PCF11: variants seen among roughly 807,000 people sequenced by gnomAD.
The protein encoded by PCF11 is PCF11 cleavage and polyadenylation factor subunit.
PCF11 carries 19 observed loss-of-function variants against 166.1 expected under a neutral mutation model. The ratio of observed to expected loss-of-function variants is 0.11; its 90% CI spans 0.08 to 0.17. The LOEUF is 0.17. PCF11 is among the 10% of genes least tolerant of loss of function. PCF11 has a pLI of 1.00. For synonymous variants in PCF11, 663 were observed against 644.1 expected (o/e 1.03, Z -0.44); for missense variants, 1,565 against 1,855.5 (o/e 0.84, Z 2.88).
exon 8 of PCF11, chr11:83,169,739 A>T: frequency 6.2e-7 from 1 of 1,613,956 alleles, no homozygotes; most frequent in South Asian, 1.1e-5. Context: ...ACTGGTCCAT[A>T]TAATGATCCA....
At chr11:83,163,867 G>A in exon 3 of PCF11, 2 of 1,424,720 alleles carry the variant, frequency 1.4e-6, no homozygotes, top group Non-Finnish European at 1.9e-6. Context: ...TAAATAAATC[G>A]GTAAGTTTTA....
chr11:83,180,895 A>G (rs1195820055), intron 11 of PCF11, 113 bp from the exon 12 acceptor site: 1 of 568,404 alleles, frequency 1.8e-6, no homozygotes, highest in Non-Finnish European at 3.1e-6. Flanking sequence ...TGTTTCAGCC[A>G]GCTCTTGGTT....
In PCF11 at chr11:83,185,650, G is replaced by C. The variant is rs372074539; in HGVS notation, c.*756G>C. 8.9e-4 allele frequency: 136 copies of C among 152,546 alleles called. 1 individual carries two copies. The highest frequency in any genetic ancestry group is 3.1e-3 in the African/African-American group (129 of 41,504). The allele number at this position is 152,546 out of a possible 1,614,324, so 9.4% of individuals were successfully genotyped here. A position where few individuals can be genotyped will look rare whatever the true frequency, so the allele number is the denominator to read the frequency against. On this transcript the variant is annotated 3_prime_UTR_variant, in exon 16 of 16. Transcript: ENST00000298281. Reference sequence around the variant, plus strand: ...AATTGTCAAATGATTTAATGCAGATGAACATATTTCTATTTTAAGTAACGG... The same window carrying C: ...AATTGTCAAATGATTTAATGCAGATCAACATATTTCTATTTTAAGTAACGG...
At position 83,161,222 on chromosome 11, in the gene PCF11, TATC is replaced by T; in HGVS notation, c.193-103_193-101del. 1.5e-5 allele frequency: 12 copies of T among 808,460 alleles called. No individual in the cohort carries two copies. In the South Asian group the frequency reaches 1.7e-4, roughly 12 times the overall value. 50.1% of individuals were successfully genotyped at this position (808,460 alleles called of 1,614,324 possible). A position where few individuals can be genotyped will look rare whatever the true frequency, so the allele number is the denominator to read the frequency against. On this transcript the variant is annotated intron_variant, in intron 1 of 15. Transcript: ENST00000298281. ...TAAAGATTACTTCAAAAATATTTAGTATCAACAAAAATAGAGGTCTGTATTGTA... is the reference window on the plus strand; with the variant it reads ...TAAAGATTACTTCAAAAATATTTAGTAACAAAAATAGAGGTCTGTATTGTA...
chr11:83,170,455 T>C (rs890501970), intron 8 of PCF11, among the ~76,000 whole-genome samples: 1 of 151,442 alleles, frequency 6.6e-6, no homozygotes, highest in African/African-American at 2.4e-5. Flanking sequence ...TCTACAATTC[T>C]TTTTTTTTGG....
chr11:83,160,296 G>T (rs1386036287), intron 1 of PCF11, among the ~76,000 whole-genome samples: 1 of 151,238 alleles, frequency 6.6e-6, no homozygotes, highest in Non-Finnish European at 1.5e-5. Context: ...TATACACGTG[G>T]GGTGGGTAAA....
intron 5 of PCF11, 40 bp downstream of exon 5, chr11:83,166,754 A>G: frequency 1.3e-6 from 2 of 1,493,968 alleles, no homozygotes; most frequent in South Asian, 1.3e-5. Context: ...AGTAGTGTAT[A>G]TGTTTCAAAA....
chr11:83,177,652 C>T, intron 10 of PCF11, 62 bp from the exon 11 acceptor site: 1 of 792,028 alleles, frequency 1.3e-6, no homozygotes, highest in Non-Finnish European at 2.0e-6. Context: ...CTATAGTGTT[C>T]CTCTGTAGAG....
At chr11:83,157,951 T>C in intron 1 of PCF11, 1 of 279,496 alleles carries the variant, frequency 3.6e-6, no homozygotes, top group Non-Finnish European at 6.8e-6. Context: ...CAGTTTGTGG[T>C]TTGGGGAAGT....
chr11:83,185,939 G>A (rs1861275555), exon 16 of PCF11: 1 of 152,496 alleles, frequency 6.6e-6, no homozygotes, highest in Non-Finnish European at 1.5e-5. Context: ...ATTTATTGGA[G>A]ATAGGCATAT....
In PCF11 at chr11:83,181,819, A is replaced by G. The variant is rs528726972; in HGVS notation, c.4168-35A>G. The stretch of plus-strand genomic sequence containing the variant: ...ATACACAGTAAAAATTTAGAAATAA[A>G]TGGAATAATCTTTTAAAAATCAACT... On this transcript the variant is annotated intron_variant, in intron 12 of 15. Transcript: ENST00000298281. 3.6e-5 allele frequency: 54 copies of G among 1,489,486 alleles called. No individual in the cohort carries two copies. In the African/African-American group the frequency reaches 7.5e-4, roughly 21 times the overall value. The allele number at this position is 1,489,486 out of a possible 1,614,324, so 92.3% of individuals were successfully genotyped here. A position where few individuals can be genotyped will look rare whatever the true frequency, so the allele number is the denominator to read the frequency against.
At chr11:83,182,340 C>T in intron 13 of PCF11, 59 bp from the exon 14 acceptor site, 1 of 884,864 alleles carries the variant, frequency 1.1e-6, no homozygotes, top group Non-Finnish European at 1.8e-6. Flanking sequence ...TATATTTTTA[C>T]TTAATGGGGT....
rs750235002 is a variant in PCF11, at chr11:83,169,366, C to T, written c.3031C>T (p.Pro1011Ser). The T allele has an allele frequency of 7.4e-6, 12 of 1,613,710 alleles. No homozygotes were observed. The East Asian group carries it at 2.5e-4, about 33-fold the overall frequency. ...AGGAGGTGGAATGAGGTTTGAGGGT[C>T]CTTCTGTACCAGGAGGTGGCCTGAG... The change falls in exon 8 of 16, where the codon CCT becomes TCT. Residue 1011 changes from proline to serine, a missense_variant. Physicochemically the swap from Pro to Ser is moderately conservative, Grantham distance 74 (BLOSUM62 -1). This residue lies in a region of PCF11 where 725 missense variants were observed against 749.3 expected (regional missense o/e 0.97). Transcript: ENST00000298281.
At chr11:83,171,197 T>C in intron 8 of PCF11, 1 of 404,776 alleles carries the variant, frequency 2.5e-6, no homozygotes, top group Non-Finnish European at 4.9e-6. Flanking sequence ...TTTTTTAACA[T>C]TCCCTTTGAC....
chr11:83,184,637 T>G, intron 15 of PCF11, 42 bp from the exon 16 acceptor site: 2 of 1,344,058 alleles, frequency 1.5e-6, no homozygotes, highest in Non-Finnish European at 2.1e-6. Context: ...ATGTGAGAAT[T>G]TTGAACTTTC....
chr11:83,162,023 TGCCCCTACCTTA>T (rs1860276565), intron 2 of PCF11, among the ~76,000 whole-genome samples: 1 of 152,252 alleles, frequency 6.6e-6, no homozygotes, highest in Admixed American at 6.5e-5. Flanking sequence ...GAAATACTTT[TGCCCCTACCTTA>T]GTGTTCAGAA....
At chr11:83,165,506 A>G (rs534568248) in intron 4 of PCF11, 94 bp from the exon 5 acceptor site, 24 of 834,540 alleles carry the variant, frequency 2.9e-5, no homozygotes, top group Admixed American at 1.5e-4. Context: ...AAATATATTT[A>G]TTGAATAAAG....
exon 16 of PCF11, chr11:83,185,417 T>C (rs1861251067): frequency 1.3e-5 from 2 of 151,616 alleles, no homozygotes; most frequent in South Asian, 4.1e-4. Context: ...TTTGAAAAAA[T>C]TTTAAAGATA....
chr11:83,173,915 G>C (rs1346609234), intron 9 of PCF11, among the ~76,000 whole-genome samples: 4 of 151,744 alleles, frequency 2.6e-5, no homozygotes, highest in Non-Finnish European at 5.9e-5. Flanking sequence ...ATTTTTAATA[G>C]AGGCAGAGTT....
Sources: allele counts gnomAD v4.1 joint callset (sites outside exome capture counted in the v4.1 genomes callset), GRCh38; gene constraint gnomAD v4.1.1; regional missense constraint gnomAD v4.1.1; transcripts MANE v1.5; gene names NCBI Gene and HGNC (gene_info 2026-07-23, HGNC 2026-07-21).